CACNA1C: variants seen among roughly 807,000 people sequenced by gnomAD.
CACNA1C encodes the protein voltage-dependent L-type calcium channel subunit alpha-1C.
A neutral mutation model predicts 229.0 loss-of-function variants in CACNA1C; 30 were observed. The ratio of observed to expected loss-of-function variants is 0.13; its 90% CI spans 0.10 to 0.18. CACNA1C has a LOEUF of 0.18. Among genes scored for constraint, CACNA1C ranks in the 10% least tolerant of loss-of-function variants. The pLI, the probability that CACNA1C is intolerant of heterozygous loss-of-function variation, is 1.00. For missense variants in CACNA1C, 1,658 were observed against 2,845.0 expected (o/e 0.58, Z 9.49); for synonymous variants, 1,114 against 1,132.5 (o/e 0.98, Z 0.33).
chr12:2,100,756 A>T (rs890446770), intron 1 of CACNA1C, among the ~76,000 whole-genome samples: 6 of 151,316 alleles, frequency 4.0e-5, no homozygotes, highest in African/African-American at 1.2e-4. Flanking sequence ...AGACTGTCTC[A>T]AAAAAAGAAA....
At chr12:2,249,883 G>A (rs2074939530) in intron 3 of CACNA1C, among the ~76,000 whole-genome samples, 1 of 150,936 alleles carries the variant, frequency 6.6e-6, no homozygotes, top group Admixed American at 6.6e-5. Context: ...CGATTCTCCT[G>A]CCTCAAGCTC....
intron 3 of CACNA1C, among the ~76,000 whole-genome samples, chr12:2,418,226 C>T (rs1169625487): frequency 6.6e-6 from 1 of 152,188 alleles, no homozygotes; most frequent in Non-Finnish European, 1.5e-5. Flanking sequence ...TTTGGAGCCT[C>T]TGCTGCCCCA....
intron 3 of CACNA1C, among the ~76,000 whole-genome samples, chr12:2,182,881 G>A (rs1314739785): frequency 1.3e-5 from 2 of 152,138 alleles, no homozygotes; most frequent in East Asian, 1.9e-4. Flanking sequence ...TGCTGTCCTC[G>A]GAAGAGAGGA....
At chr12:2,077,877 A>C (rs1178193253) in intron 1 of CACNA1C, among the ~76,000 whole-genome samples, 1 of 152,214 alleles carries the variant, frequency 6.6e-6, no homozygotes, top group Non-Finnish European at 1.5e-5. Flanking sequence ...TATCAACCAC[A>C]TGTGTGGCAC....
chr12:2,079,441 G>A (rs558253944), intron 1 of CACNA1C, among the ~76,000 whole-genome samples: 1 of 152,282 alleles, frequency 6.6e-6, no homozygotes, highest in African/African-American at 2.4e-5. Context: ...TATCTGGTGA[G>A]GACCTGCTTC....
chr12:2,416,383 AAGG>A lies in CACNA1C; in HGVS notation c.478-32589_478-32587del, dbSNP rs2098901539. On this transcript the variant is annotated intron_variant, in intron 3 of 46. Coordinates refer to ENST00000399655, the MANE Select transcript of CACNA1C (RefSeq NM_000719.7). ...GTGGAAGAAAAGGAAGGAGGGAAGGAAGGAGGGAGGAAAAGAGAGGGGAAGGGA... is the reference window on the plus strand; with the variant it reads ...GTGGAAGAAAAGGAAGGAGGGAAGGAAGGGAGGAAAAGAGAGGGGAAGGGA... Among the ~76,000 whole-genome samples the A allele has an allele frequency of 2.0e-5, 3 of 152,248 alleles. No homozygotes were observed. The South Asian group carries it at 6.2e-4, about 32-fold the overall frequency.
At chr12:2,331,922 A>G (rs944032999) in intron 3 of CACNA1C, among the ~76,000 whole-genome samples, 2 of 152,172 alleles carry the variant, frequency 1.3e-5, no homozygotes, top group Non-Finnish European at 2.9e-5. Flanking sequence ...AAATATGACA[A>G]TTAAGTGTAA....
intron 21 of CACNA1C, among the ~76,000 whole-genome samples, chr12:2,600,870 C>T (rs1464752707): frequency 6.6e-6 from 1 of 152,192 alleles, no homozygotes; most frequent in Non-Finnish European, 1.5e-5. Flanking sequence ...TTTTATGGGG[C>T]TCACCGTGTG....
chr12:2,193,441 C>G (rs2097303480), intron 3 of CACNA1C, among the ~76,000 whole-genome samples: 1 of 150,402 alleles, frequency 6.6e-6, no homozygotes, highest in Non-Finnish European at 1.5e-5. Flanking sequence ...GGCAATCGAG[C>G]TAGACCCTGT....
At chr12:2,122,386 C>T (rs566354452) in intron 3 of CACNA1C, among the ~76,000 whole-genome samples, 1 of 152,178 alleles carries the variant, frequency 6.6e-6, no homozygotes, top group Non-Finnish European at 1.5e-5. Context: ...CGCACTTCCC[C>T]TGGGGCAGTG....
chr12:2,580,629 C>A (rs2060151611), intron 13 of CACNA1C, among the ~76,000 whole-genome samples: 1 of 152,216 alleles, frequency 6.6e-6, no homozygotes, highest in Non-Finnish European at 1.5e-5. Flanking sequence ...ATCCAGCAGT[C>A]ATTAGTAGGT....
In CACNA1C at chr12:2,646,789, A is replaced by AGT. The variant is rs72236498; in HGVS notation, c.3913-1676_3913-1675dup. 0.096 allele frequency among the ~76,000 whole-genome samples: 12,701 copies of AGT among 131,774 alleles called. 705 individuals carry two copies. Among genetic ancestry groups the AGT allele is most frequent in the Admixed American group, 0.13 (1,741 of 13,722 alleles). 86.4% of individuals were successfully genotyped at this position (131,774 alleles called of 152,430 possible). A position where few individuals can be genotyped will look rare whatever the true frequency, so the allele number is the denominator to read the frequency against. On this transcript the variant is annotated intron_variant, in intron 30 of 46. Coordinates refer to ENST00000399655, the MANE Select transcript of CACNA1C (RefSeq NM_000719.7). This position sits in a 1 kb window ranked among gnomAD's most constrained non-coding sequence, Gnocchi z 4.6. The stretch of plus-strand genomic sequence containing the variant: ...GAGAAAGAGAGAGAGAGAGAGAGAG[A>AGT]GTGTGTGTGTGCGCGTGTGTGTGTC...
intron 3 of CACNA1C, among the ~76,000 whole-genome samples, chr12:2,335,343 T>C (rs2096660020): frequency 1.3e-5 from 2 of 151,990 alleles, no homozygotes. Flanking sequence ...AAAACAAACA[T>C]CTGTGATTTA....
At position 2,581,476 on chromosome 12, in the gene CACNA1C, A is replaced by G. The variant is rs1467701402; in HGVS notation, c.1896-114A>G. On this transcript the variant is annotated intron_variant, in intron 13 of 46. Coordinates refer to ENST00000399655, the MANE Select transcript of CACNA1C (RefSeq NM_000719.7). ...ACGCATCCCCCACGGGCAGGGAAAA[A>G]GAGCATAGAGTGGCAGCTCCTCTGA... The G allele has an allele frequency of 4.2e-6, 4 of 951,782 alleles. No homozygotes were observed. The South Asian group carries it at 5.8e-5, about 14-fold the overall frequency. 59.0% of individuals were successfully genotyped at this position (951,782 alleles called of 1,614,324 possible).
chr12:2,589,321 A>G (rs1352380342), intron 18 of CACNA1C, among the ~76,000 whole-genome samples: 1 of 152,274 alleles, frequency 6.6e-6, no homozygotes, highest in East Asian at 1.9e-4. Context: ...GGGGATACTC[A>G]GGGGTCAGGC....
At chr12:1,975,428 A>G (rs2034022420) in intron 1 of CACNA1C, among the ~76,000 whole-genome samples, 1 of 152,200 alleles carries the variant, frequency 6.6e-6, no homozygotes, top group Non-Finnish European at 1.5e-5. Flanking sequence ...AAAAATTAGT[A>G]ATATAAAACA....
intron 3 of CACNA1C, among the ~76,000 whole-genome samples, chr12:2,382,965 A>G (rs1307181011): frequency 1.3e-5 from 2 of 152,216 alleles, no homozygotes; most frequent in African/African-American, 4.8e-5. Context: ...CTCTGGGCTC[A>G]GCAGGCTGGA....
chr12:2,088,363 C>T (rs2068564963), intron 1 of CACNA1C, among the ~76,000 whole-genome samples: 1 of 152,144 alleles, frequency 6.6e-6, no homozygotes, highest in African/African-American at 2.4e-5. Context: ...ACCCTCAGGC[C>T]AGGGCCCTAA....
chr12:2,688,585 G>A lies in CACNA1C; in HGVS notation c.5923G>A (p.Glu1975Lys). Reference sequence around the variant, plus strand: ...ACAGCCCGTCCCCACCCTGCGGCTTGAGGGGGTCGAGTCCAGTGAGAAACT... The same window carrying A: ...ACAGCCCGTCCCCACCCTGCGGCTTAAGGGGGTCGAGTCCAGTGAGAAACT... ...PPQPVPTLRL[E>K]GVESSEKLNS... is the part of the protein sequence containing the mutation. The change falls in exon 46 of 47, where the codon GAG (glutamate) becomes AAG (lysine). Residue 1975 changes from glutamate (E) to lysine (K), a missense_variant. Physicochemically the swap from Glu to Lys is moderately conservative, Grantham distance 56 (BLOSUM62 1). Around this residue, in one of 20 missense-constraint regions of CACNA1C, gnomAD observed 590 missense variants for 700.8 expected, o/e 0.84. Coordinates refer to ENST00000399655, the MANE Select transcript of CACNA1C (RefSeq NM_000719.7). 6.2e-7 allele frequency: 1 copy of A among 1,613,984 alleles called. No homozygotes were observed. Among genetic ancestry groups the A allele is most frequent in the Non-Finnish European group, 8.5e-7 (1 of 1,179,916 alleles).
Sources: gnomAD v4.1 joint callset for allele counts (sites outside exome capture counted in the v4.1 genomes callset) on GRCh38, gnomAD v4.1.1 for gene constraint, gnomAD v4.1.1 regional missense constraint, Gnocchi (gnomAD v3.1) non-coding constraint, MANE v1.5 for transcripts, NCBI Gene and HGNC (gene_info 2026-07-23, HGNC 2026-07-21) for gene names.